Variants in LEMD3 observed in about 807,000 individuals in gnomAD.
The protein encoded by LEMD3 is LEM domain containing 3, also known as inner nuclear membrane protein Man1.
LEMD3 carries 33 observed loss-of-function variants against 95.2 expected under a neutral mutation model. The observed-to-expected ratio is 0.35, with a 90% CI of 0.26 to 0.46. LEMD3 has a LOEUF of 0.46. LEMD3 is among the 20% of genes least tolerant of loss of function. The pLI, the probability that LEMD3 is intolerant of heterozygous loss-of-function variation, is 1.00. For synonymous variants in LEMD3, 525 were observed against 474.6 expected (o/e 1.11, Z -1.38); for missense variants, 1,210 against 1,192.8 (o/e 1.01, Z -0.21).
At chr12:65,245,589 T>G in intron 10 of LEMD3, 80 bp from the exon 11 acceptor site, 1 of 910,230 alleles carries the variant, frequency 1.1e-6, no homozygotes, top group Non-Finnish European at 1.8e-6. Flanking sequence ...TCTAGTAATA[T>G]ATATATGTTG....
At chr12:65,242,350 C>A (rs1007499346) in intron 9 of LEMD3, among the ~76,000 whole-genome samples, 1 of 152,034 alleles carries the variant, frequency 6.6e-6, no homozygotes, top group South Asian at 2.1e-4. Context: ...CCTAGATAAT[C>A]GTCTTGCTGT....
intron 1 of LEMD3, among the ~76,000 whole-genome samples, chr12:65,180,868 G>A: frequency 6.6e-6 from 1 of 152,176 alleles, no homozygotes; most frequent in East Asian, 1.9e-4. Context: ...ACCAATTGCT[G>A]TTCTGCCCTG....
chr12:65,215,422 C>A (rs985438635), intron 2 of LEMD3, among the ~76,000 whole-genome samples: 1 of 152,126 alleles, frequency 6.6e-6, no homozygotes, highest in African/African-American at 2.4e-5. Flanking sequence ...CTGGGTCTCT[C>A]GCTTTGCTGA....
chr12:65,202,611 C>T (rs183847600), intron 1 of LEMD3, among the ~76,000 whole-genome samples: 28 of 152,254 alleles, frequency 1.8e-4, no homozygotes, highest in African/African-American at 6.5e-4. Context: ...ATCTACTTCT[C>T]TCTCCTGAAA....
At chr12:65,223,355 G>A (rs574790778) in intron 4 of LEMD3, among the ~76,000 whole-genome samples, 1 of 140,890 alleles carries the variant, frequency 7.1e-6, no homozygotes, top group African/African-American at 2.7e-5. Context: ...CCACGCTTGA[G>A]TGCAGTGGTG....
At chr12:65,238,847 G>A (rs746296472) in intron 6 of LEMD3, 33 bp downstream of exon 6, 1 of 1,610,806 alleles carries the variant, frequency 6.2e-7, no homozygotes, top group South Asian at 1.1e-5. Flanking sequence ...GAGATAAATT[G>A]CAGCCTGAAT....
At chr12:65,226,251 C>T (rs981826550) in intron 4 of LEMD3, among the ~76,000 whole-genome samples, 1 of 152,154 alleles carries the variant, frequency 6.6e-6, no homozygotes, top group African/African-American at 2.4e-5. Context: ...GAGGAAGCCA[C>T]GAGTTGGGAG....
At chr12:65,241,914 C>G (rs1870949926) in intron 9 of LEMD3, among the ~76,000 whole-genome samples, 1 of 152,124 alleles carries the variant, frequency 6.6e-6, no homozygotes, top group Non-Finnish European at 1.5e-5. Flanking sequence ...ACAGCTAAAG[C>G]AGGCAGGGCT....
At chr12:65,237,468 A>G (rs1870806450) in intron 4 of LEMD3, among the ~76,000 whole-genome samples, 1 of 152,180 alleles carries the variant, frequency 6.6e-6, no homozygotes, top group South Asian at 2.1e-4. Context: ...AGTTTCTTAA[A>G]TGTTAGTTGC....
At chr12:65,207,552 AAAG>A (rs757128475) in intron 1 of LEMD3, among the ~76,000 whole-genome samples, 2 of 152,156 alleles carry the variant, frequency 1.3e-5, no homozygotes, top group Admixed American at 6.6e-5. Context: ...ATTCAGGCCT[AAAG>A]AAGACCAGAA....
In LEMD3 at chr12:65,238,821, T is replaced by C; in HGVS notation, c.1921+7T>C. 6.2e-7 allele frequency: 1 copy of C among 1,613,950 alleles called. No homozygotes were observed. Among genetic ancestry groups the C allele is most frequent in the Non-Finnish European group, 8.5e-7 (1 of 1,179,878 alleles). On this transcript the variant is annotated splice_region_variant and intron_variant, in intron 6 of 12. Coordinates refer to ENST00000308330, the MANE Select transcript of LEMD3 (RefSeq NM_014319.5). The stretch of plus-strand genomic sequence containing the variant: ...TTATTGTTGTTATGCTTAGGTAAGT[T>C]GTAAAGATAAGAAATGAGATAAATT...
intron 4 of LEMD3, among the ~76,000 whole-genome samples, chr12:65,232,401 A>AT (rs1300278451): frequency 6.6e-6 from 1 of 152,082 alleles, no homozygotes; most frequent in Non-Finnish European, 1.5e-5. Flanking sequence ...GTGTAAGCTA[A>AT]TTTTTTCACA....
intron 1 of LEMD3, among the ~76,000 whole-genome samples, chr12:65,175,402 AC>A (rs1331674771): frequency 1.3e-5 from 2 of 152,082 alleles, no homozygotes; most frequent in Admixed American, 6.5e-5. Context: ...CTCTTCTCAA[AC>A]TTTCTGCCTC....
chr12:65,235,783 AT>A (rs1016440691), intron 4 of LEMD3, among the ~76,000 whole-genome samples: 1 of 152,098 alleles, frequency 6.6e-6, no homozygotes, highest in Admixed American at 6.5e-5. Context: ...TTGTAGTTTT[AT>A]TTTTTTAAGC....
chr12:65,238,851 C>G, intron 6 of LEMD3, 37 bp downstream of exon 6: 1 of 1,609,218 alleles, frequency 6.2e-7, no homozygotes, highest in Non-Finnish European at 8.5e-7. Flanking sequence ...TAAATTGCAG[C>G]CTGAATTTTT....
At chr12:65,238,157 C>A (rs975229865) in intron 4 of LEMD3, among the ~76,000 whole-genome samples, 1 of 152,056 alleles carries the variant, frequency 6.6e-6, no homozygotes, top group African/African-American at 2.4e-5. Context: ...TGCTTGTAAT[C>A]CCAACTACTT....
At position 65,246,175 on chromosome 12, in the gene LEMD3, A is replaced by G. The variant is rs754715782; in HGVS notation, c.2586A>G (p.Thr862=). ...HGSWFDGKLV[T]VKYLRLDRYH... The stretch of plus-strand genomic sequence containing the variant: ...ATCTTACAACAGGGAAATTGGTTAC[A>G]GTAAAATATTTACGACTAGATAGAT... Residue 862 remains threonine (T), a synonymous_variant, in exon 13 of 13, where the codon ACA becomes ACG. Coordinates refer to ENST00000308330, the MANE Select transcript of LEMD3 (RefSeq NM_014319.5). 2.5e-6 allele frequency: 4 copies of G among 1,610,384 alleles called. No homozygotes were observed. The highest frequency in any genetic ancestry group is 3.4e-6 in the Non-Finnish European group (4 of 1,177,326).
chr12:65,227,882 A>G (rs909393604), intron 4 of LEMD3, among the ~76,000 whole-genome samples: 4 of 152,102 alleles, frequency 2.6e-5, no homozygotes, highest in Non-Finnish European at 5.9e-5. Flanking sequence ...AGACTGTACA[A>G]ATTTAATGCC....
At position 65,239,470 on chromosome 12, in the gene LEMD3, C is replaced by T. The variant is rs906323364; in HGVS notation, c.1922-459C>T. Among the ~76,000 whole-genome samples the T allele has an allele frequency of 3.9e-5, 6 of 152,098 alleles. No homozygotes were observed. The South Asian group carries it at 1.2e-3, about 31-fold the overall frequency. On this transcript the variant is annotated intron_variant, in intron 6 of 12. Coordinates refer to ENST00000308330, the MANE Select transcript of LEMD3 (RefSeq NM_014319.5). ...AGCTGAGGTAGGAGGATTTCTTGAG[C>T]CCAGGAGTTGGAGGCTGCAGTTAGC...
Sources: gnomAD v4.1 joint callset for allele counts (sites outside exome capture counted in the v4.1 genomes callset) on GRCh38, gnomAD v4.1.1 for gene constraint, MANE v1.5 for transcripts, NCBI Gene and HGNC (gene_info 2026-07-23, HGNC 2026-07-21) for gene names.